Variants in STK3 observed in about 807,000 individuals in gnomAD.
STK3 encodes the protein serine/threonine kinase 3, also known as serine/threonine-protein kinase 3.
In STK3, 41 loss-of-function variants were observed where a neutral mutation model predicts 58.0. The observed-to-expected ratio is 0.71, with a 90% CI of 0.55 to 0.92. The LOEUF is 0.92. Ranked by LOEUF, STK3 falls within the 40% of genes least tolerant of loss-of-function variation. STK3 has a pLI of 0.00. For synonymous variants in STK3, 170 were observed against 191.0 expected (o/e 0.89, Z 0.91); for missense variants, 479 against 602.7 (o/e 0.79, Z 2.15).
At chr8:98,873,185 T>G (rs1169500717) in intron 3 of STK3, among the ~76,000 whole-genome samples, 1 of 152,222 alleles carries the variant, frequency 6.6e-6, no homozygotes, top group Non-Finnish European at 1.5e-5. Context: ...CTAGTTTGAT[T>G]GCACTGTGGT....
chr8:98,699,747 C>T (rs1825372710), intron 6 of STK3, among the ~76,000 whole-genome samples: 1 of 152,162 alleles, frequency 6.6e-6, no homozygotes, highest in Admixed American at 6.5e-5. Context: ...GAGTACCCGG[C>T]CGTGTGAGGT....
At chr8:98,741,678 TA>T (rs1829224980) in intron 4 of STK3, among the ~76,000 whole-genome samples, 1 of 151,810 alleles carries the variant, frequency 6.6e-6, no homozygotes, top group Non-Finnish European at 1.5e-5. Flanking sequence ...ACATCACAAT[TA>T]AAAGAACTAG....
At chr8:98,775,893 A>G (rs1347022076) in intron 1 of STK3, among the ~76,000 whole-genome samples, 1 of 152,240 alleles carries the variant, frequency 6.6e-6, no homozygotes, top group Non-Finnish European at 1.5e-5. Context: ...ACAAGCAAAG[A>G]TATATCATGA....
chr8:98,676,535 C>A (rs1046704129), intron 6 of STK3, among the ~76,000 whole-genome samples: 2 of 151,628 alleles, frequency 1.3e-5, no homozygotes, highest in Non-Finnish European at 2.9e-5. Flanking sequence ...ATCGCTTGAA[C>A]CTGAGAGGCA....
intron 1 of STK3, among the ~76,000 whole-genome samples, chr8:98,787,816 T>C (rs1269975052): frequency 1.3e-5 from 2 of 152,122 alleles, no homozygotes; most frequent in South Asian, 2.1e-4. Flanking sequence ...GCCAAGAATT[T>C]TGCACCCAGC....
intron 1 of STK3, among the ~76,000 whole-genome samples, chr8:98,790,826 T>C (rs931429044): frequency 6.6e-6 from 1 of 152,004 alleles, no homozygotes; most frequent in Non-Finnish European, 1.5e-5. Context: ...CTACTAAAAA[T>C]ACAAAAACTT....
chr8:98,373,519 A>C (rs1432564966), intron 2 of STK3, among the ~76,000 whole-genome samples: 1 of 152,176 alleles, frequency 6.6e-6, no homozygotes, highest in Non-Finnish European at 1.5e-5. Context: ...ACAACTGTGT[A>C]AGGCAGGTAC....
intron 6 of STK3, chr8:98,651,706 G>A (rs1820949115): frequency 6.6e-6 from 1 of 152,236 alleles, no homozygotes; most frequent in Non-Finnish European, 1.5e-5. Flanking sequence ...AGAAGCCTCA[G>A]GAGCTGATGT....
chr8:98,929,825 T>A (rs1038712718), intron 1 of STK3, among the ~76,000 whole-genome samples: 2 of 152,176 alleles, frequency 1.3e-5, no homozygotes, highest in Admixed American at 1.3e-4. Flanking sequence ...ATAAACTCAC[T>A]TGAAAAGCAG....
chr8:98,564,412 A>C (rs918263012), intron 8 of STK3, among the ~76,000 whole-genome samples: 1 of 152,148 alleles, frequency 6.6e-6, no homozygotes, highest in Non-Finnish European at 1.5e-5. Context: ...CAAGCACAGA[A>C]AGACTAAAGA....
chr8:98,566,214 G>A (rs1402391942), intron 8 of STK3, among the ~76,000 whole-genome samples: 2 of 151,978 alleles, frequency 1.3e-5, no homozygotes, highest in Non-Finnish European at 2.9e-5. Flanking sequence ...TAAAAGATTT[G>A]TTTATAATAG....
chr8:98,744,423 CCTTTGTAGGGA>C (rs1243239458), intron 4 of STK3, among the ~76,000 whole-genome samples: 1 of 151,730 alleles, frequency 6.6e-6, no homozygotes, highest in Admixed American at 6.6e-5. Flanking sequence ...GAGTTCATGT[CCTTTGTAGGGA>C]CATGGATGAA....
At chr8:98,789,205 C>T (rs1043266466) in intron 1 of STK3, among the ~76,000 whole-genome samples, 2 of 152,096 alleles carry the variant, frequency 1.3e-5, no homozygotes, top group African/African-American at 4.8e-5. Context: ...AAAAATTCTT[C>T]GAACTGAACA....
intron 8 of STK3, among the ~76,000 whole-genome samples, chr8:98,564,440 T>C (rs1812307035): frequency 6.6e-6 from 1 of 151,984 alleles, no homozygotes; most frequent in African/African-American, 2.4e-5. Flanking sequence ...CTCATGGAAG[T>C]AGAGAGTAGA....
intron 3 of STK3, among the ~76,000 whole-genome samples, chr8:98,763,138 T>C (rs1830735673): frequency 6.6e-6 from 1 of 152,248 alleles, no homozygotes; most frequent in Non-Finnish European, 1.5e-5. Flanking sequence ...AAAATGCCCC[T>C]AGAAGTACCT....
intron 6 of STK3, among the ~76,000 whole-genome samples, chr8:98,652,703 T>G (rs1352507294): frequency 2.0e-5 from 3 of 149,070 alleles, no homozygotes; most frequent in Non-Finnish European, 3.0e-5. Flanking sequence ...TAAAACAGAC[T>G]TTAAACCAAC....
At chr8:98,631,912 G>A (rs1297297262) in intron 6 of STK3, among the ~76,000 whole-genome samples, 7 of 152,214 alleles carry the variant, frequency 4.6e-5, no homozygotes, top group African/African-American at 1.7e-4. Flanking sequence ...TGATCCACCC[G>A]CCTCAGCCTC....
At chr8:98,757,085 G>A (rs961578253) in intron 3 of STK3, among the ~76,000 whole-genome samples, 5 of 151,954 alleles carry the variant, frequency 3.3e-5, no homozygotes, top group Non-Finnish European at 7.4e-5. Flanking sequence ...GACACAGCAC[G>A]CCTCCTTCTC....
intron 9 of STK3, among the ~76,000 whole-genome samples, chr8:98,541,677 T>C (rs1810290846): frequency 6.6e-6 from 1 of 152,156 alleles, no homozygotes; most frequent in Admixed American, 6.5e-5. Flanking sequence ...TGCACTCTCA[T>C]AACAGGACCA....
Sources: gnomAD v4.1 joint callset for allele counts (sites outside exome capture counted in the v4.1 genomes callset) on GRCh38, gnomAD v4.1.1 for gene constraint, MANE v1.5 for transcripts, NCBI Gene and HGNC (gene_info 2026-07-23, HGNC 2026-07-21) for gene names.